USP35: variants seen among roughly 807,000 people sequenced by gnomAD.
USP35 encodes the protein ubiquitin carboxyl-terminal hydrolase 35.
In USP35, 69 loss-of-function variants were observed where a neutral mutation model predicts 83.8. The observed-to-expected ratio is 0.82, with a 90% confidence interval of 0.68 to 1.01. The LOEUF is 1.01. Among genes scored for constraint, USP35 ranks in the 50% least tolerant of loss-of-function variants. The pLI is 0.00. For missense variants in USP35, 1,503 were observed against 1,362.5 expected, an observed-to-expected ratio of 1.10 and a Z score of -1.62; for synonymous variants, 714 against 589.5, an observed-to-expected ratio of 1.21 and a Z score of -3.06.
rs1212817217 is a variant in USP35, at chr11:78,210,670, A to G, written c.2815A>G (p.Arg939Gly). 6 of 1,613,056 alleles carry G rather than the reference A, an allele frequency of 3.7e-6. No homozygotes were observed. In the East Asian group the frequency reaches 1.1e-4, roughly 30 times the overall value. Reference sequence around the variant, plus strand: ...GCCCGAGGCTGAGTTGGGCTCTTCTAGAGTCCGGACAGAGCCCACCCTGCA... The same window carrying G: ...GCCCGAGGCTGAGTTGGGCTCTTCTGGAGTCCGGACAGAGCCCACCCTGCA... ...EGPEAELGSS[R>G]VRTEPTLHKD... Residue 939 changes from arginine (R) to glycine (G), a missense_variant, in exon 10 of 11, where the codon AGA (arginine) becomes GGA (glycine). Physicochemically the swap from Arg to Gly is moderately radical, Grantham distance 125 (BLOSUM62 -2). Coordinates refer to ENST00000529308, the MANE Select transcript of USP35 (RefSeq NM_020798.4).
the USP35 span, chr11:78,222,172 T>G: frequency 6.2e-7 from 1 of 1,613,932 alleles, no homozygotes; most frequent in Non-Finnish European, 8.5e-7. Flanking sequence ...GTGTTGTTCC[T>G]CAGGTCAAGT....
At position 78,199,714 on chromosome 11, in the gene USP35, A is replaced by G. The variant is rs902026554; in HGVS notation, c.926A>G (p.Lys309Arg). 2 of 1,614,132 alleles carry G rather than the reference A, an allele frequency of 1.2e-6. No individual in the cohort carries two copies. The highest frequency in any genetic ancestry group is 1.7e-5 in the Admixed American group (1 of 60,022). The part of the protein sequence containing the change: ...FSILIEVSLT[K>R]IEKVFSKLLY... The stretch of plus-strand genomic sequence containing the variant: ...ATCTTGATCGAGGTTTCGCTCACCA[A>G]AATTGAGAAGGTTGGTGCCCCTGTC... The change falls in exon 4 of 11, where the codon AAA becomes AGA. Residue 309 changes from lysine to arginine, a missense_variant. Transcript: ENST00000529308.
intron 1 of USP35, among the ~76,000 whole-genome samples, chr11:78,194,670 G>C (rs902708815): frequency 6.6e-6 from 1 of 152,174 alleles, no homozygotes; most frequent in Admixed American, 6.5e-5. Context: ...CAGGAAACAG[G>C]CCAGGTGGAG....
Position 78,213,927 on chromosome 11 carries a change from G to GTCCTCAGCC in USP35, c.*116_*124dup. The GTCCTCAGCC allele has an allele frequency of 8.2e-7, 1 of 1,225,530 alleles. No homozygotes were observed. 75.9% of individuals were successfully genotyped at this position (1,225,530 alleles called of 1,614,324 possible). On this transcript the variant is annotated 3_prime_UTR_variant, in exon 11 of 11. Coordinates refer to ENST00000529308, the MANE Select transcript of USP35 (RefSeq NM_020798.4). ...GGATGGTACAGCTCATGGCACCTTA[G>GTCCTCAGCC]TCCTCAGCCTGATGAAGGGTACACA...
chr11:78,213,361 C>G (rs372080672), intron 10 of USP35, among the ~76,000 whole-genome samples: 2 of 152,146 alleles, frequency 1.3e-5, no homozygotes, highest in East Asian at 1.9e-4. Context: ...ATATGACCCT[C>G]GAAGTCCTCA....
chr11:78,223,564 G>C, the USP35 span: 1 of 1,613,846 alleles, frequency 6.2e-7, no homozygotes. Context: ...GACGCTCTGG[G>C]AATTATCACC....
At chr11:78,219,817 C>T (rs574081839), downstream of USP35, among the ~76,000 whole-genome samples, 3 of 152,268 alleles carry the variant, frequency 2.0e-5, no homozygotes, top group African/African-American at 7.2e-5. Flanking sequence ...TGCTCACTGC[C>T]ACCCTGTGAA....
At chr11:78,220,233 C>T in the USP35 span, 3 of 1,420,252 alleles carry the variant, frequency 2.1e-6, no homozygotes, top group Non-Finnish European at 2.0e-6. Context: ...TGCTGCTGTT[C>T]AGTGTTGAAG....
chr11:78,197,068 T>A (rs1436569586), intron 2 of USP35, 150 bp downstream of exon 2: 1 of 1,336,266 alleles, frequency 7.5e-7, no homozygotes, highest in Admixed American at 3.5e-5. Context: ...GGCTGCAGCC[T>A]GCCTTCATGT....
At chr11:78,198,507 C>A in intron 3 of USP35, 1 of 603,858 alleles carries the variant, frequency 1.7e-6, no homozygotes, top group Non-Finnish European at 2.1e-6. Context: ...CTCATCTGAA[C>A]GTCCTCCTCC....
the USP35 span, among the ~76,000 whole-genome samples, chr11:78,232,795 T>G: frequency 6.6e-6 from 1 of 152,088 alleles, no homozygotes. Flanking sequence ...AGTAATCCAA[T>G]CAGACACAGT....
chr11:78,215,272 C>T (rs530922653), downstream of USP35: 57 of 152,630 alleles, frequency 3.7e-4, 1 homozygote, highest in African/African-American at 1.3e-3. Flanking sequence ...CCCCTCAAGA[C>T]AAGATGGACA....
At chr11:78,213,058 G>C (rs886571769) in intron 10 of USP35, among the ~76,000 whole-genome samples, 8 of 152,112 alleles carry the variant, frequency 5.3e-5, no homozygotes, top group African/African-American at 1.9e-4. Flanking sequence ...TGTTTTGTGC[G>C]GGGGAATACA....
chr11:78,205,195 A>G (rs1863493443), intron 6 of USP35, among the ~76,000 whole-genome samples: 1 of 152,184 alleles, frequency 6.6e-6, no homozygotes, highest in Non-Finnish European at 1.5e-5. Flanking sequence ...CATACCTCAG[A>G]CCCCAGGGAT....
intron 6 of USP35, among the ~76,000 whole-genome samples, chr11:78,205,271 T>C (rs1396569470): frequency 6.6e-6 from 1 of 152,208 alleles, no homozygotes; most frequent in Non-Finnish European, 1.5e-5. Context: ...GAAAGCTGAT[T>C]CTGCAAATCT....
At position 78,210,588 on chromosome 11, in the gene USP35, C is replaced by T. The variant is rs1232976637; in HGVS notation, c.2733C>T (p.Ser911=). Residue 911 remains serine, a synonymous_variant, in exon 10 of 11, where the codon TCC becomes TCT. Coordinates refer to ENST00000529308, the MANE Select transcript of USP35 (RefSeq NM_020798.4). ...SSFESVSNVT[S]FFPKDTAYVL... is the part of the protein sequence containing the mutation. The stretch of plus-strand genomic sequence containing the variant: ...TCGAATCTGTCAGCAACGTCACCTC[C>T]TTCTTCCCTAAGGACACAGCCTATG... The T allele has an allele frequency of 6.2e-7, 1 of 1,613,986 alleles. No homozygotes were observed. The highest frequency in any genetic ancestry group is 8.5e-7 in the Non-Finnish European group (1 of 1,179,948).
Position 78,213,834 on chromosome 11 carries a change from G to T in USP35, c.*21G>T. On this transcript the variant is annotated 3_prime_UTR_variant, in exon 11 of 11. Transcript: ENST00000529308. ...TCTAATGTGAACCTGCTGCCAACCT[G>T]ACCCCTTCCCTCCAGGAGCCAGGTA... 6.5e-7 allele frequency: 1 copy of T among 1,536,770 alleles called. No individual in the cohort carries two copies. The highest frequency in any genetic ancestry group is 1.3e-5 in the South Asian group (1 of 77,688).
chr11:78,227,631 C>CAAAAAAAAAAAAAAAAAAAAAAAAA, the USP35 span, among the ~76,000 whole-genome samples: 72 of 106,064 alleles, frequency 6.8e-4, 5 homozygotes, highest in African/African-American at 2.4e-3. Flanking sequence ...CCATTGCCAC[C>CAAAAAAAAAAAAAAAAAAAAAAAAA]AAAAAAAAAA....
chr11:78,201,352 C>T (rs1863354060), intron 6 of USP35, among the ~76,000 whole-genome samples: 1 of 152,204 alleles, frequency 6.6e-6, no homozygotes, highest in South Asian at 2.1e-4. Flanking sequence ...TACTGACGTC[C>T]TGCTCTGCAC....
Sources: allele counts gnomAD v4.1 joint callset (sites outside exome capture counted in the v4.1 genomes callset), GRCh38; gene constraint gnomAD v4.1.1; transcripts MANE v1.5; gene names NCBI Gene and HGNC (gene_info 2026-07-23, HGNC 2026-07-21).